The following MYO18B variants were observed in gnomAD, a reference collection of about 807,000 sequenced individuals.
MYO18B encodes the protein myosin XVIIIB.
A neutral mutation model predicts 273.0 loss-of-function variants in MYO18B; 204 were observed. The observed-to-expected ratio is 0.75, with a 90% CI of 0.67 to 0.84. The LOEUF (loss-of-function observed/expected upper bound fraction) is 0.84, where lower values mean the gene tolerates loss of function less well. MYO18B is among the 40% of genes least tolerant of loss of function. The probability of loss-of-function intolerance (pLI) is 0.00; values close to 1 mark genes in which losing one functional copy is unlikely to be tolerated. For synonymous variants in MYO18B, 1,330 were observed against 1,305.7 expected (o/e 1.02, Z -0.40); for missense variants, 3,212 against 3,287.6 (o/e 0.98, Z 0.56).
At chr22:26,053,661 C>T in the MYO18B span, among the ~76,000 whole-genome samples, 1 of 152,190 alleles carries the variant, frequency 6.6e-6, no homozygotes. Flanking sequence ...GAAGCATTAA[C>T]TCCTAGGAAT....
intron 39 of MYO18B, among the ~76,000 whole-genome samples, chr22:25,973,963 G>A (rs553199746): frequency 6.6e-6 from 1 of 152,252 alleles, no homozygotes; most frequent in South Asian, 2.1e-4. Context: ...GCTGTTTTGG[G>A]TCAAATCTCA....
At chr22:26,042,993 A>G in the MYO18B span, among the ~76,000 whole-genome samples, 2 of 152,180 alleles carry the variant, frequency 1.3e-5, no homozygotes, top group South Asian at 4.1e-4. Context: ...TGTTTGGATG[A>G]ATGCATATCA....
Position 25,828,788 on chromosome 22 carries a change from C to T in MYO18B, c.2799C>T (p.Ser933=), listed in dbSNP as rs529310941. The change falls in exon 15 of 44, where the codon TCC becomes TCT. Residue 933 remains serine (S), a synonymous_variant. Transcript: ENST00000335473. The stretch of plus-strand genomic sequence containing the variant: ...CTTCTCTCCCTAGATCCTTTTCCTC[C>T]CACCATCTCTCCATGGCCTCCATCA... The part of the protein sequence containing the change: ...VVSLINRSFS[S]HHLSMASIMV... 6 of 1,613,532 alleles carry T rather than the reference C, an allele frequency of 3.7e-6. No homozygotes were observed. The African/African-American group carries it at 4.0e-5, about 11-fold the overall frequency.
chr22:25,851,483 C>T lies in MYO18B; in HGVS notation c.3789C>T (p.His1263=), dbSNP rs780359436. The T allele has an allele frequency of 6.4e-7, 1 of 1,556,128 alleles. No homozygotes were observed. Among genetic ancestry groups the T allele is most frequent in the Non-Finnish European group, 8.7e-7 (1 of 1,149,402 alleles). Residue 1263 remains histidine, a synonymous_variant, in exon 21 of 44, where the codon CAC becomes CAT. Transcript: ENST00000335473. ...LRLHRTGYAD[H]MGLTRFRRQF... is the part of the protein sequence containing the mutation. The stretch of plus-strand genomic sequence containing the variant: ...CTACCTCCCTAGGCTATGCTGACCA[C>T]ATGGGGCTCACTCGCTTCCGCCGGC...
At chr22:26,004,895 T>C (rs1384345237) in intron 42 of MYO18B, 40 bp downstream of exon 42, 1 of 1,609,274 alleles carries the variant, frequency 6.2e-7, no homozygotes, top group East Asian at 2.2e-5. Flanking sequence ...GGCTAATAGC[T>C]TGAAGAATCT....
At chr22:25,924,409 C>T (rs977086801) in intron 34 of MYO18B, among the ~76,000 whole-genome samples, 1 of 152,192 alleles carries the variant, frequency 6.6e-6, no homozygotes, top group Non-Finnish European at 1.5e-5. Context: ...TGGATATAAG[C>T]ACCATGGATA....
At chr22:25,798,867 G>T (rs756105770) in intron 12 of MYO18B, among the ~76,000 whole-genome samples, 2 of 152,040 alleles carry the variant, frequency 1.3e-5, no homozygotes, top group Non-Finnish European at 2.9e-5. Flanking sequence ...GCCCAGCCAA[G>T]GTGCTGTGTT....
chr22:25,925,696 G>C (rs1365761575), intron 34 of MYO18B, among the ~76,000 whole-genome samples: 4 of 149,404 alleles, frequency 2.7e-5, no homozygotes, highest in Non-Finnish European at 1.5e-5. Flanking sequence ...CCTGGGGTCA[G>C]GAGTTTGAGA....
intron 28 of MYO18B, chr22:25,895,485 A>C (rs34321167): frequency 0.018 from 9,848 of 550,890 alleles, 127 homozygotes; most frequent in East Asian, 0.033. Flanking sequence ...TGGATCTTCT[A>C]TCCAGAGACT....
At chr22:25,948,459 C>T (rs6004850) in intron 36 of MYO18B, among the ~76,000 whole-genome samples, 23,015 of 67,270 alleles carry the variant, frequency 0.34, 2,100 homozygotes, top group Middle Eastern at 0.44. Context: ...TCCTTCCTTC[C>T]TTCTTTCTTT....
chr22:25,845,240 C>T (rs946506855), intron 18 of MYO18B, among the ~76,000 whole-genome samples: 2 of 152,184 alleles, frequency 1.3e-5, no homozygotes, highest in African/African-American at 2.4e-5. Context: ...CACCCTTGGC[C>T]GGGCGCGGTG....
chr22:25,928,651 CCCT>C (rs1315768106), intron 34 of MYO18B, among the ~76,000 whole-genome samples: 1 of 152,072 alleles, frequency 6.6e-6, no homozygotes, highest in African/African-American at 2.4e-5. Flanking sequence ...AGGCTTAAAA[CCCT>C]CCTGATACAA....
At chr22:25,808,422 C>G (rs2088583509) in intron 12 of MYO18B, among the ~76,000 whole-genome samples, 1 of 152,154 alleles carries the variant, frequency 6.6e-6, no homozygotes, top group African/African-American at 2.4e-5. Flanking sequence ...ATCTTGCAAT[C>G]TTTGTCAAAG....
chr22:25,868,917 G>T (rs1458673779), intron 22 of MYO18B, among the ~76,000 whole-genome samples: 2 of 152,212 alleles, frequency 1.3e-5, no homozygotes, highest in South Asian at 2.1e-4. Flanking sequence ...GTTTAGAACA[G>T]AATTTCACAC....
chr22:25,959,599 C>T lies in MYO18B; in HGVS notation c.6156+4235C>T, dbSNP rs545832409. Reference sequence around the variant, plus strand: ...TGTCTTCATTTTTAGAATTCACATCCTCCCTGGGAGGGATAGAATACATTT... The same window carrying T: ...TGTCTTCATTTTTAGAATTCACATCTTCCCTGGGAGGGATAGAATACATTT... On this transcript the variant is annotated intron_variant, in intron 39 of 43. Transcript: ENST00000335473. Among the ~76,000 whole-genome samples the T allele has an allele frequency of 6.8e-4, 103 of 152,322 alleles. 2 individuals carry two copies. Among genetic ancestry groups the T allele is most frequent in the Admixed American group, 3.2e-3 (49 of 15,298 alleles).
chr22:25,745,499 A>ACACG, intron 1 of MYO18B, among the ~76,000 whole-genome samples: 1 of 150,570 alleles, frequency 6.6e-6, no homozygotes, highest in South Asian at 2.1e-4. Context: ...ACACACACAC[A>ACACG]CACGCACACA....
chr22:25,996,138 G>T (rs948044469), intron 40 of MYO18B, among the ~76,000 whole-genome samples: 7 of 152,218 alleles, frequency 4.6e-5, no homozygotes, highest in Admixed American at 1.3e-4. Flanking sequence ...GTTAATTTCT[G>T]CGTGACCTTG....
At chr22:25,950,063 C>T (rs772800953) in intron 36 of MYO18B, among the ~76,000 whole-genome samples, 6 of 152,246 alleles carry the variant, frequency 3.9e-5, no homozygotes, top group East Asian at 1.9e-4. Context: ...TCTCATCCCT[C>T]GGAATCTGGT....
chr22:25,851,417 G>A, intron 20 of MYO18B, 53 bp from the exon 21 acceptor site: 1 of 1,255,706 alleles, frequency 8.0e-7, no homozygotes, highest in Non-Finnish European at 1.1e-6. Context: ...AACTGGGCTG[G>A]GTCTTCTCAT....
Sources: allele counts gnomAD v4.1 joint callset (sites outside exome capture counted in the v4.1 genomes callset), GRCh38; gene constraint gnomAD v4.1.1; transcripts MANE v1.5; gene names NCBI Gene and HGNC (gene_info 2026-07-23, HGNC 2026-07-21).